PCDHA8: variants seen among roughly 807,000 people sequenced by gnomAD.
PCDHA8 encodes protocadherin alpha 8.
Under a neutral mutation model 61.8 loss-of-function variants are expected in PCDHA8, and 53 were observed. That is an observed-to-expected ratio of 0.86 (90% CI 0.69 to 1.08). The LOEUF is 1.08. Among genes scored for constraint, PCDHA8 ranks in the 50% least tolerant of loss-of-function variants. PCDHA8 has a pLI of 0.00. For synonymous variants in PCDHA8, 618 were observed against 556.6 expected (o/e 1.11, Z -1.55); for missense variants, 1,293 against 1,245.0 (o/e 1.04, Z -0.58).
chr5:140,966,958 G>C (rs561982676), intron 1 of PCDHA8: 1 of 1,602,498 alleles, frequency 6.2e-7, no homozygotes, highest in South Asian at 1.1e-5. Context: ...TGGCTCGCGC[G>C]CTGGGGCTTG....
chr5:141,004,591 A>G (rs1277305361), intron 3 of PCDHA8, among the ~76,000 whole-genome samples: 3 of 152,222 alleles, frequency 2.0e-5, no homozygotes, highest in Non-Finnish European at 2.9e-5. Context: ...TCTCCAGATG[A>G]CAGTGCTTAG....
At chr5:140,869,217 G>T in intron 1 of PCDHA8, 4 of 1,613,842 alleles carry the variant, frequency 2.5e-6, no homozygotes, top group South Asian at 2.2e-5. Flanking sequence ...TCTCGGAGGA[G>T]GCCAAACACG....
At chr5:140,848,462 T>C in intron 1 of PCDHA8, 1 of 1,542,130 alleles carries the variant, frequency 6.5e-7, no homozygotes, top group Non-Finnish European at 8.8e-7. Flanking sequence ...TTGGAGGCAA[T>C]TTTCACTAAT....
At chr5:140,975,365 A>G (rs186836387) in intron 1 of PCDHA8, among the ~76,000 whole-genome samples, 5 of 152,370 alleles carry the variant, frequency 3.3e-5, no homozygotes, top group Admixed American at 2.0e-4. Context: ...GCTACATAGC[A>G]TAATGTAATC....
At chr5:140,877,909 C>G in intron 1 of PCDHA8, 4 of 1,432,580 alleles carry the variant, frequency 2.8e-6, no homozygotes, top group Non-Finnish European at 3.7e-6. Context: ...TAACTACATT[C>G]TCTCATTTTT....
chr5:140,874,187 C>A (rs1554167080), intron 1 of PCDHA8, among the ~76,000 whole-genome samples: 1 of 152,168 alleles, frequency 6.6e-6, no homozygotes, highest in Non-Finnish European at 1.5e-5. Context: ...GTAAAGGTGT[C>A]ATATTTCAGT....
chr5:140,841,838 A>G lies in PCDHA8; in HGVS notation c.517A>G (p.Ser173Gly), dbSNP rs1453803660. 6.8e-6 allele frequency: 11 copies of G among 1,613,802 alleles called. No homozygotes were observed. Among genetic ancestry groups the G allele is most frequent in the Admixed American group, 6.7e-5 (4 of 59,992 alleles). The change falls in exon 1 of 4, where the codon AGC (serine) becomes GGC (glycine). Residue 173 changes from serine (S) to glycine (G), a missense_variant. Coordinates refer to ENST00000531613, the MANE Select transcript of PCDHA8 (RefSeq NM_018911.3). ...GANSVLTYRL[S>G]SHDYFMLDVN... The stretch of plus-strand genomic sequence containing the variant: ...TAACTCCGTGTTAACCTACAGGCTT[A>G]GCTCTCATGATTACTTCATGCTAGA...
intron 1 of PCDHA8, among the ~76,000 whole-genome samples, chr5:140,972,288 C>T (rs1263314074): frequency 2.0e-5 from 3 of 150,942 alleles, no homozygotes; most frequent in African/African-American, 4.9e-5. Context: ...CATAGATGTG[C>T]GCCACCGTGT....
chr5:140,893,138 A>G (rs1336386852), intron 1 of PCDHA8, among the ~76,000 whole-genome samples: 1 of 152,142 alleles, frequency 6.6e-6, no homozygotes, highest in Non-Finnish European at 1.5e-5. Context: ...TTCTTTATCC[A>G]CTCATCTGTT....
Position 141,010,368 on chromosome 5 carries a change from C to A in PCDHA8, c.*431C>A. On this transcript the variant is annotated 3_prime_UTR_variant, in exon 4 of 4. Transcript: ENST00000531613. ...GGTATGTGTGGCTACCGCGGGTATG[C>A]GAGTGCCAGATATTGGCTGAGACGA... 2 of 1,471,050 alleles carry A rather than the reference C, an allele frequency of 1.4e-6. No homozygotes were observed. Among genetic ancestry groups the A allele is most frequent in the Non-Finnish European group, 1.8e-6 (2 of 1,106,904 alleles). The allele number at this position is 1,471,050 out of a possible 1,614,324, so 91.1% of individuals were successfully genotyped here. A position where few individuals can be genotyped will look rare whatever the true frequency, so the allele number is the denominator to read the frequency against.
intron 1 of PCDHA8, chr5:140,848,438 T>C: frequency 6.8e-7 from 1 of 1,477,490 alleles, no homozygotes; most frequent in Non-Finnish European, 9.2e-7. Flanking sequence ...CGAAATCAGA[T>C]GATTTCTTCT....
chr5:140,877,743 G>C, intron 1 of PCDHA8: 1 of 1,614,148 alleles, frequency 6.2e-7, no homozygotes, highest in Non-Finnish European at 8.5e-7. Flanking sequence ...GGAGGCAGAG[G>C]GTGTGCTCTG....
At position 140,850,252 on chromosome 5, in the gene PCDHA8, G is replaced by C. The variant is rs1377963742; in HGVS notation, c.2394+6537G>C. 3.1e-5 allele frequency: 49 copies of C among 1,593,714 alleles called. 1 individual carries two copies. The East Asian group carries it at 1.0e-3, about 34-fold the overall frequency. ...AGCGAGATGGTGCTGCGGTCGGTGGGCGCCGGCGTAGTGGTGGGGAAGGTG... is the reference window on the plus strand; with the variant it reads ...AGCGAGATGGTGCTGCGGTCGGTGGCCGCCGGCGTAGTGGTGGGGAAGGTG... On this transcript the variant is annotated intron_variant, in intron 1 of 3. Transcript: ENST00000531613.
intron 1 of PCDHA8, among the ~76,000 whole-genome samples, chr5:140,886,288 A>T (rs1227734409): frequency 6.6e-6 from 1 of 151,870 alleles, no homozygotes; most frequent in Non-Finnish European, 1.5e-5. Flanking sequence ...AATTATTTTT[A>T]TATTTATTTA....
At chr5:140,872,016 C>T (rs2053445167) in intron 1 of PCDHA8, among the ~76,000 whole-genome samples, 1 of 152,182 alleles carries the variant, frequency 6.6e-6, no homozygotes, top group Non-Finnish European at 1.5e-5. Flanking sequence ...TGACCTGTAG[C>T]CTGGAACTGC....
At chr5:140,925,971 A>C (rs2082843743) in intron 1 of PCDHA8, among the ~76,000 whole-genome samples, 1 of 152,190 alleles carries the variant, frequency 6.6e-6, no homozygotes, top group African/African-American at 2.4e-5. Flanking sequence ...ACGCAAAAAA[A>C]AAGCCTTGAG....
chr5:140,953,100 A>G (rs1343351624), intron 1 of PCDHA8, among the ~76,000 whole-genome samples: 1 of 152,162 alleles, frequency 6.6e-6, no homozygotes, highest in Admixed American at 6.5e-5. Flanking sequence ...TTGACATGAG[A>G]TTTGGGCAGG....
chr5:140,856,103 C>G (rs1554148182), intron 1 of PCDHA8: 1 of 1,597,894 alleles, frequency 6.3e-7, no homozygotes, highest in South Asian at 1.1e-5. Context: ...CTCGCTTCTT[C>G]TCCTCGCAGC....
chr5:140,969,351 G>A (rs1554231714), intron 1 of PCDHA8: 1 of 1,612,990 alleles, frequency 6.2e-7, no homozygotes, highest in Non-Finnish European at 8.5e-7. Flanking sequence ...TGGTCAGGGG[G>A]TCTTCTACAA....
Sources: allele counts gnomAD v4.1 joint callset (sites outside exome capture counted in the v4.1 genomes callset), GRCh38; gene constraint gnomAD v4.1.1; transcripts MANE v1.5; gene names NCBI Gene and HGNC (gene_info 2026-07-23, HGNC 2026-07-21).